The following PTP4A2 variants were observed in gnomAD, a reference collection of about 807,000 sequenced individuals.
PTP4A2 encodes the protein protein tyrosine phosphatase 4A2, also known as protein tyrosine phosphatase type IVA 2.
PTP4A2 carries 2 observed loss-of-function variants against 22.9 expected under a neutral mutation model. The observed-to-expected ratio is 0.09, with a 90% confidence interval of 0.04 to 0.27. The LOEUF (loss-of-function observed/expected upper bound fraction) is 0.27, where lower values mean the gene tolerates loss of function less well. Ranked by LOEUF, PTP4A2 falls within the 10% of genes least tolerant of loss-of-function variation. PTP4A2 has a pLI of 1.00. For missense variants in PTP4A2, 103 were observed against 205.1 expected (o/e 0.50, Z 3.04); for synonymous variants, 68 against 69.1 (o/e 0.98, Z 0.08).
At chr1:31,936,821 CACTT>C (rs1380394822) in intron 1 of PTP4A2, among the ~76,000 whole-genome samples, 9 of 152,316 alleles carry the variant, frequency 5.9e-5, no homozygotes, top group African/African-American at 2.2e-4. Flanking sequence ...TAACTTCACT[CACTT>C]CCCTCTGAAA....
At chr1:31,916,356 A>AC (rs1651840435) in intron 2 of PTP4A2, among the ~76,000 whole-genome samples, 1 of 147,702 alleles carries the variant, frequency 6.8e-6, no homozygotes, top group African/African-American at 2.6e-5. Flanking sequence ...AAAAAAAAAA[A>AC]AAAAAAAAAA....
intron 5 of PTP4A2, 138 bp downstream of exon 5, chr1:31,909,899 AT>A (rs1222008507): frequency 1.0e-5 from 7 of 694,236 alleles, no homozygotes; most frequent in African/African-American, 7.2e-5. Context: ...CTTGCTCTAA[AT>A]TTTTTACATC....
intron 2 of PTP4A2, 109 bp from the exon 3 acceptor site, chr1:31,916,096 A>G: frequency 1.5e-6 from 1 of 670,200 alleles, no homozygotes; most frequent in South Asian, 2.2e-5. Context: ...CTATAATCCC[A>G]GCACTTTGGG....
intron 3 of PTP4A2, 76 bp downstream of exon 3, chr1:31,915,819 A>C: frequency 1.0e-6 from 1 of 979,592 alleles, no homozygotes. Context: ...GAGCCAGTGC[A>C]CCTGGCCTAG....
intron 1 of PTP4A2, among the ~76,000 whole-genome samples, chr1:31,937,315 G>A (rs1211837459): frequency 6.6e-6 from 1 of 152,092 alleles, no homozygotes; most frequent in African/African-American, 2.4e-5. Flanking sequence ...TGCCGCTGGA[G>A]GAGACTTATA....
At chr1:31,929,689 TAA>T (rs1652634268) in intron 1 of PTP4A2, among the ~76,000 whole-genome samples, 1 of 152,214 alleles carries the variant, frequency 6.6e-6, no homozygotes, top group South Asian at 2.1e-4. Flanking sequence ...GAGAACAATT[TAA>T]GTCTTAATCA....
chr1:31,918,065 T>C (rs1651947500), intron 2 of PTP4A2, among the ~76,000 whole-genome samples: 1 of 150,618 alleles, frequency 6.6e-6, no homozygotes, highest in Non-Finnish European at 1.5e-5. Flanking sequence ...CTGGCTAACA[T>C]GGTGAAATCC....
chr1:31,932,047 T>G (rs1185599148), intron 1 of PTP4A2, among the ~76,000 whole-genome samples: 1 of 152,138 alleles, frequency 6.6e-6, no homozygotes, highest in Non-Finnish European at 1.5e-5. Context: ...AAAAAGTTGG[T>G]CAAATTTAAA....
chr1:31,910,793 T>C (rs1404130165), intron 4 of PTP4A2: 1 of 152,206 alleles, frequency 6.6e-6, no homozygotes, highest in Non-Finnish European at 1.5e-5. Flanking sequence ...TCATTACCAA[T>C]TGATTTTAAT....
rs1217660066 is a variant in PTP4A2, at chr1:31,907,413, C to T, written c.*1439G>A. ...AGCTTTTCTAGATCAGTACACTAAACCCAGCCAAGAATCTGCAAAAATGCT... is the reference window on the plus strand; with the variant it reads ...AGCTTTTCTAGATCAGTACACTAAATCCAGCCAAGAATCTGCAAAAATGCT... On this transcript the variant is annotated 3_prime_UTR_variant, in exon 6 of 6. Coordinates refer to ENST00000647444, the MANE Select transcript of PTP4A2 (RefSeq NM_080391.4). The T allele has an allele frequency of 6.6e-6, 1 of 152,208 alleles. No individual in the cohort carries two copies. Among genetic ancestry groups the T allele is most frequent in the Non-Finnish European group, 1.5e-5 (1 of 68,060 alleles). 9.4% of individuals were successfully genotyped at this position (152,208 alleles called of 1,614,324 possible). A position where few individuals can be genotyped will look rare whatever the true frequency, so the allele number is the denominator to read the frequency against.
chr1:31,930,067 G>A (rs992602605), intron 1 of PTP4A2, among the ~76,000 whole-genome samples: 1 of 152,174 alleles, frequency 6.6e-6, no homozygotes, highest in Non-Finnish European at 1.5e-5. Context: ...GGCCGGGCGT[G>A]GTGGCTCACG....
intron 4 of PTP4A2, chr1:31,910,670 T>C (rs1651489062): frequency 6.6e-6 from 1 of 152,240 alleles, no homozygotes; most frequent in African/African-American, 2.4e-5. Flanking sequence ...TCACATTATA[T>C]ATTAAATTCT....
At chr1:31,916,994 G>A (rs913695360) in intron 2 of PTP4A2, among the ~76,000 whole-genome samples, 21 of 152,192 alleles carry the variant, frequency 1.4e-4, no homozygotes, top group Admixed American at 7.9e-4. Flanking sequence ...TAAAAAGACA[G>A]CTAATGCAGT....
intron 5 of PTP4A2, among the ~76,000 whole-genome samples, chr1:31,909,473 A>C (rs1315464383): frequency 1.3e-5 from 2 of 152,094 alleles, no homozygotes; most frequent in Non-Finnish European, 2.9e-5. Context: ...CAGGAGATTG[A>C]GATCATCCTG....
chr1:31,927,917 GA>G (rs1429526763), intron 1 of PTP4A2, among the ~76,000 whole-genome samples: 1 of 152,076 alleles, frequency 6.6e-6, no homozygotes, highest in Non-Finnish European at 1.5e-5. Context: ...AAAAGTGTCT[GA>G]AAACTTGTAA....
rs1337229625 is a variant in PTP4A2 at position 31,907,015 on chromosome 1, G to A, written c.*1837C>T. 4.6e-5 allele frequency: 7 copies of A among 152,166 alleles called. No individual in the cohort carries two copies. Among genetic ancestry groups the A allele is most frequent in the Admixed American group, 4.6e-4 (7 of 15,280 alleles). 9.4% of individuals were successfully genotyped at this position (152,166 alleles called of 1,614,324 possible). Reference sequence around the variant, plus strand: ...AAACAATTTCGAAAAGCATTATTTTGTTTTGTTTTCTGGGATGGGAGAGGA... The same window carrying A: ...AAACAATTTCGAAAAGCATTATTTTATTTTGTTTTCTGGGATGGGAGAGGA... On this transcript the variant is annotated 3_prime_UTR_variant, in exon 6 of 6. Coordinates refer to ENST00000647444, the MANE Select transcript of PTP4A2 (RefSeq NM_080391.4).
rs1010277637 is a variant in PTP4A2 at position 31,907,950 on chromosome 1, G to A, written c.*902C>T. The stretch of plus-strand genomic sequence containing the variant: ...GGGAAGAGAAGAATTCGACTCTCAG[G>A]TAAGTTGAGAAGAGACTCCTCTTAA... On this transcript the variant is annotated 3_prime_UTR_variant, in exon 6 of 6. Transcript: ENST00000647444. The A allele has an allele frequency of 7.3e-5, 11 of 150,446 alleles. No homozygotes were observed. Among genetic ancestry groups the A allele is most frequent in the African/African-American group, 2.7e-4 (11 of 40,866 alleles). 9.3% of individuals were successfully genotyped at this position (150,446 alleles called of 1,614,324 possible). A position where few individuals can be genotyped will look rare whatever the true frequency, so the allele number is the denominator to read the frequency against.
chr1:31,930,884 T>G (rs531116557), intron 1 of PTP4A2: 14 of 152,310 alleles, frequency 9.2e-5, no homozygotes, highest in Middle Eastern at 3.4e-3. Context: ...GAAATAAAAA[T>G]GGTGAAATAA....
chr1:31,918,085 T>C (rs1210923639), intron 2 of PTP4A2, among the ~76,000 whole-genome samples: 1 of 151,256 alleles, frequency 6.6e-6, no homozygotes, highest in East Asian at 1.9e-4. Flanking sequence ...CCGTCTCTAC[T>C]AGAAATACAA....
Sources: allele counts gnomAD v4.1 joint callset (sites outside exome capture counted in the v4.1 genomes callset), GRCh38; gene constraint gnomAD v4.1.1; transcripts MANE v1.5; gene names NCBI Gene and HGNC (gene_info 2026-07-23, HGNC 2026-07-21).